Variants in RAB37 observed in about 807,000 individuals in gnomAD.
The protein encoded by RAB37 is ras-related protein Rab-37.
RAB37 carries 29 observed loss-of-function variants against 33.1 expected under a neutral mutation model. The ratio of observed to expected loss-of-function variants is 0.88; its 90% CI spans 0.65 to 1.20. The LOEUF (loss-of-function observed/expected upper bound fraction) is 1.20, where lower values mean the gene tolerates loss of function less well. Ranked by LOEUF, RAB37 falls within the 50% of genes most tolerant of loss-of-function variation. The probability of loss-of-function intolerance (pLI) is 0.00; values close to 1 mark genes in which losing one functional copy is unlikely to be tolerated. For synonymous variants in RAB37, 128 were observed against 119.5 expected (o/e 1.07, Z -0.47); for missense variants, 299 against 301.1 (o/e 0.99, Z 0.05).
chr17:74,677,806 GATGGT>G (rs2031868001), intron 1 of RAB37, among the ~76,000 whole-genome samples: 1 of 152,182 alleles, frequency 6.6e-6, no homozygotes, highest in Non-Finnish European at 1.5e-5. Context: ...AGCAGGAAAT[GATGGT>G]GACTCAGTCC....
chr17:74,688,801 G>T (rs1486487113), intron 1 of RAB37, among the ~76,000 whole-genome samples: 2 of 152,100 alleles, frequency 1.3e-5, no homozygotes, highest in South Asian at 2.1e-4. Flanking sequence ...CAATCAGGTG[G>T]CTTCATAAGT....
In RAB37 at chr17:74,746,999, G is replaced by C. The variant is rs1049669623; in HGVS notation, c.*1588G>C. On this transcript the variant is annotated 3_prime_UTR_variant, in exon 9 of 9. Transcript: ENST00000392613. This position sits in a 1 kb window ranked among gnomAD's most constrained non-coding sequence, Gnocchi z 5.2. ...AAAGCTCCGATCCCTGCCATGGGAA[G>C]TGGACAGGAAACATGAGGTCATGAC... 1 of 152,268 alleles carries C rather than the reference G, an allele frequency of 6.6e-6. No homozygotes were observed. Among genetic ancestry groups the C allele is most frequent in the Admixed American group, 6.5e-5 (1 of 15,286 alleles). The allele number at this position is 152,268 out of a possible 1,614,324, so 9.4% of individuals were successfully genotyped here. A position where few individuals can be genotyped will look rare whatever the true frequency, so the allele number is the denominator to read the frequency against.
chr17:74,699,804 G>A (rs1394854588), intron 1 of RAB37, among the ~76,000 whole-genome samples: 1 of 152,002 alleles, frequency 6.6e-6, no homozygotes, highest in Non-Finnish European at 1.5e-5. Flanking sequence ...GCAGCCGGGG[G>A]GCCTGTGAAC....
chr17:74,737,342 C>A lies in RAB37; in HGVS notation c.70C>A (p.Pro24Thr). ...CCCCGAGCGCTCCCCGCCCTGCAGTCCGAGCTACGACCTCACGGGCAAGGT... is the reference window on the plus strand; with the variant it reads ...CCCCGAGCGCTCCCCGCCCTGCAGTACGAGCTACGACCTCACGGGCAAGGT... ...EAPERSPPCS[P>T]SYDLTGKVML... Residue 24 changes from proline to threonine, a missense_variant, in exon 1 of 9, where the codon CCG (proline) becomes ACG (threonine). Pro to Thr is a conservative substitution (Grantham distance 38, BLOSUM62 -1). Transcript: ENST00000392613. The A allele has an allele frequency of 1.3e-6, 2 of 1,577,356 alleles. No individual in the cohort carries two copies. The highest frequency in any genetic ancestry group is 1.7e-6 in the Non-Finnish European group (2 of 1,169,094).
In RAB37 at chr17:74,745,456, G is replaced by A. The variant is rs377259019; in HGVS notation, c.*45G>A. On this transcript the variant is annotated 3_prime_UTR_variant, in exon 9 of 9. Transcript: ENST00000392613. This position sits in a 1 kb window ranked among gnomAD's most constrained non-coding sequence, Gnocchi z 4.5. ...AGGCTCTGGAGGCACACAGGATGCA[G>A]CCTTCCCCCTCCCAGGCCTGGCTTA... is the stretch of plus-strand genomic sequence containing the variant. The A allele has an allele frequency of 5.8e-5, 87 of 1,489,666 alleles. No individual in the cohort carries two copies. The African/African-American group carries it at 1.0e-3, about 17-fold the overall frequency. 92.3% of individuals were successfully genotyped at this position (1,489,666 alleles called of 1,614,324 possible).
upstream of RAB37, chr17:74,736,596 C>G: frequency 6.5e-7 from 1 of 1,528,654 alleles, no homozygotes; most frequent in Non-Finnish European, 8.7e-7. Context: ...AGCCCTCTTG[C>G]GAAAGCTCTC....
chr17:74,737,496 A>G (rs976167685), intron 1 of RAB37, 131 bp downstream of exon 1: 20 of 1,083,698 alleles, frequency 1.8e-5, no homozygotes, highest in Non-Finnish European at 2.3e-5. Flanking sequence ...GAGGGTCAGG[A>G]CACAGCCTCT....
intron 1 of RAB37, among the ~76,000 whole-genome samples, chr17:74,689,976 A>G (rs1187098716): frequency 6.6e-6 from 1 of 152,056 alleles, no homozygotes; most frequent in African/African-American, 2.4e-5. Context: ...TTTTGACATG[A>G]GGCCTCACTC....
chr17:74,705,149 T>TA lies in RAB37; in HGVS notation c.73-24106dup, dbSNP rs796093096. 26 of 686,480 alleles carry TA rather than the reference T, an allele frequency of 3.8e-5. No homozygotes were observed. The African/African-American group carries it at 4.4e-4, about 12-fold the overall frequency. 42.5% of individuals were successfully genotyped at this position (686,480 alleles called of 1,614,324 possible). A position where few individuals can be genotyped will look rare whatever the true frequency, so the allele number is the denominator to read the frequency against. On this transcript the variant is annotated intron_variant, in intron 1 of 7. Coordinates refer to the RAB37 transcript ENST00000340415. ...TGTCCTTTTGCAGCCATCTTTGTGT[T>TA]AGTCCAGTGTGGTGGGGAGGAAATA...
At chr17:74,740,592 G>A (rs531925326) in intron 1 of RAB37, among the ~76,000 whole-genome samples, 176 bp from the exon 2 acceptor site, 56 of 152,328 alleles carry the variant, frequency 3.7e-4, no homozygotes, top group Non-Finnish European at 6.8e-4. Flanking sequence ...GCCAAGGAGC[G>A]TGGAGAGGAG....
Position 74,744,868 on chromosome 17 carries a change from G to C in RAB37, c.433-5G>C. The C allele has an allele frequency of 1.2e-6, 2 of 1,614,254 alleles. No individual in the cohort carries two copies. Among genetic ancestry groups the C allele is most frequent in the South Asian group, 1.1e-5 (1 of 91,068 alleles). On this transcript the variant is annotated splice_polypyrimidine_tract_variant and splice_region_variant and intron_variant, in intron 6 of 8. Coordinates refer to ENST00000392613, the MANE Select transcript of RAB37 (RefSeq NM_001006638.3). The surrounding 1 kb of genome is among the most constrained non-coding windows in gnomAD (Gnocchi z 4.2). ...TCCCCAGAGTGACCCATTTGGGCTT[G>C]ACAGGCGGATATGAGCAGCGAAAGA... is the stretch of plus-strand genomic sequence containing the variant.
In RAB37 at chr17:74,671,738, C is replaced by T. The variant is rs2031711304; in HGVS notation, c.72+80C>T. 1 of 1,263,948 alleles carries T rather than the reference C, an allele frequency of 7.9e-7. No homozygotes were observed. The highest frequency in any genetic ancestry group is 1.2e-6 in the Non-Finnish European group (1 of 868,494). The allele number at this position is 1,263,948 out of a possible 1,614,324, so 78.3% of individuals were successfully genotyped here. On this transcript the variant is annotated intron_variant, in intron 1 of 7. Coordinates refer to the RAB37 transcript ENST00000340415. This position sits in a 1 kb window ranked among gnomAD's most constrained non-coding sequence, Gnocchi z 5.0. ...AGTTTTCTCCACTCCCCTGACTTTG[C>T]TTTGGGACTTAATGAGAAACTAGCT...
chr17:74,698,477 T>G (rs2032726833), intron 1 of RAB37: 2 of 1,613,168 alleles, frequency 1.2e-6, no homozygotes, highest in Admixed American at 1.7e-5. Context: ...TTCAGGAGCT[T>G]GTGCCTAGAA....
intron 1 of RAB37, among the ~76,000 whole-genome samples, chr17:74,728,829 CTG>C (rs2034345384): frequency 6.6e-6 from 1 of 150,728 alleles, no homozygotes; most frequent in Non-Finnish European, 1.5e-5. Context: ...TTTTCTGTGT[CTG>C]TATGTGTCTT....
In RAB37 at chr17:74,745,243, G is replaced by A. The variant is rs1277886732; in HGVS notation, c.567-63G>A. On this transcript the variant is annotated intron_variant, in intron 8 of 8. Coordinates refer to ENST00000392613, the MANE Select transcript of RAB37 (RefSeq NM_001006638.3). This position sits in a 1 kb window ranked among gnomAD's most constrained non-coding sequence, Gnocchi z 4.5. ...ACTGGGCCACTGGGAGAGGGGAGGGGGCGGCTCAGCTCCTCACCCCAGCCC... is the reference window on the plus strand; with the variant it reads ...ACTGGGCCACTGGGAGAGGGGAGGGAGCGGCTCAGCTCCTCACCCCAGCCC... 2.6e-6 allele frequency: 4 copies of A among 1,555,296 alleles called. No individual in the cohort carries two copies. In the East Asian group the frequency reaches 9.0e-5, roughly 35 times the overall value.
intron 1 of RAB37, among the ~76,000 whole-genome samples, chr17:74,686,213 T>A (rs2032051922): frequency 6.6e-6 from 1 of 152,026 alleles, no homozygotes; most frequent in Non-Finnish European, 1.5e-5. Flanking sequence ...TACCTCAGCA[T>A]CCCAGGTAGC....
chr17:74,740,792 G>T lies in RAB37; in HGVS notation c.118G>T (p.Val40Phe), dbSNP rs750256354. The change falls in exon 2 of 9, where the codon GTC becomes TTC. Residue 40 changes from valine (V) to phenylalanine (F), a missense_variant. Physicochemically the swap from Val to Phe is conservative, Grantham distance 50. Transcript: ENST00000392613. Reference sequence around the variant, plus strand: ...GGTGATGCTTCTGGGAGACACAGGCGTCGGCAAAACATGTTTCCTGATCCA... The same window carrying T: ...GGTGATGCTTCTGGGAGACACAGGCTTCGGCAAAACATGTTTCCTGATCCA... ...GKVMLLGDTGVGKTCFLIQFK... is the reference protein window; with the variant it reads ...GKVMLLGDTGFGKTCFLIQFK... 2.5e-6 allele frequency: 4 copies of T among 1,614,074 alleles called. 1 individual carries two copies.
intron 1 of RAB37, chr17:74,695,906 A>G: frequency 6.3e-7 from 1 of 1,587,414 alleles, no homozygotes; most frequent in Non-Finnish European, 8.6e-7. Flanking sequence ...CTGTCTGTGG[A>G]CACAGGTTCC....
intron 1 of RAB37, among the ~76,000 whole-genome samples, chr17:74,692,386 G>A (rs547843467): frequency 1.3e-5 from 2 of 152,064 alleles, no homozygotes; most frequent in Non-Finnish European, 2.9e-5. Context: ...AAAAGCCCTT[G>A]AAATTCTAGG....
Sources: allele counts gnomAD v4.1 joint callset (sites outside exome capture counted in the v4.1 genomes callset), GRCh38; gene constraint gnomAD v4.1.1; non-coding constraint Gnocchi (gnomAD v3.1); transcripts MANE v1.5; gene names NCBI Gene and HGNC (gene_info 2026-07-23, HGNC 2026-07-21).